EYS: variants seen among roughly 807,000 people sequenced by gnomAD.
EYS encodes protein eyes shut homolog.
A neutral mutation model predicts 282.1 loss-of-function variants in EYS; 250 were observed. That is an observed-to-expected ratio of 0.89 (90% CI 0.80 to 0.98). EYS has a LOEUF of 0.98. Among genes scored for constraint, EYS ranks in the 50% least tolerant of loss-of-function variants. The pLI is 0.00. For synonymous variants in EYS, 1,355 were observed against 1,282.9 expected (o/e 1.06, Z -1.20); for missense variants, 4,016 against 3,709.0 (o/e 1.08, Z -2.15).
intron 2 of EYS, among the ~76,000 whole-genome samples, chr6:65,617,168 C>T (rs1766232495): frequency 6.6e-6 from 1 of 151,968 alleles, no homozygotes; most frequent in African/African-American, 2.4e-5. Context: ...GTGTTAGAAA[C>T]CTATGTATAA....
intron 5 of EYS, among the ~76,000 whole-genome samples, chr6:65,441,959 A>G (rs1216342378): frequency 6.6e-6 from 1 of 152,086 alleles, no homozygotes; most frequent in Non-Finnish European, 1.5e-5. Context: ...TCATTTCTTC[A>G]TAGAGGCCTT....
intron 31 of EYS, among the ~76,000 whole-genome samples, chr6:64,171,572 T>C (rs531162879): frequency 1.3e-5 from 2 of 152,200 alleles, no homozygotes; most frequent in Admixed American, 6.5e-5. Flanking sequence ...ATAGCAAGAT[T>C]TTGAAGCAAA....
Position 65,443,306 on chromosome 6 carries a change from G to A in EYS, c.863-37939C>T, listed in dbSNP as rs560810475. ...TGCATGCATATATGCATACATGTGTGTACACATATAGACATATATGCATAC... is the reference window on the plus strand; with the variant it reads ...TGCATGCATATATGCATACATGTGTATACACATATAGACATATATGCATAC... On this transcript the variant is annotated intron_variant, in intron 5 of 42. Transcript: ENST00000503581. Among the ~76,000 whole-genome samples the A allele has an allele frequency of 1.8e-5, 2 of 108,468 alleles. 1 individual carries two copies. Among genetic ancestry groups the A allele is most frequent in the South Asian group, 6.2e-4 (2 of 3,208 alleles). The allele number at this position is 108,468 out of a possible 152,430, so 71.2% of individuals were successfully genotyped here.
In EYS at chr6:64,795,211, G is replaced by A. The variant is rs190632614; in HGVS notation, c.3443+18167C>T. On this transcript the variant is annotated intron_variant, in intron 22 of 42. Coordinates refer to ENST00000503581, the MANE Select transcript of EYS (RefSeq NM_001142800.2). ...GATCACATCATTGCACTCCAGCATG[G>A]GTAACAAGAGCAAAACTCCGTCTCA... Among the ~76,000 whole-genome samples the A allele has an allele frequency of 5.5e-3, 822 of 149,416 alleles. 10 individuals are homozygous for A. The highest frequency in any genetic ancestry group is 0.019 in the African/African-American group (784 of 40,896).
chr6:64,397,266 T>C (rs1211627087), intron 28 of EYS, among the ~76,000 whole-genome samples: 8 of 152,076 alleles, frequency 5.3e-5, no homozygotes, highest in South Asian at 4.1e-4. Flanking sequence ...ATACAGTTAA[T>C]AAGGGATAGA....
chr6:65,403,470 T>A (rs150832906), intron 6 of EYS, among the ~76,000 whole-genome samples: 135 of 152,092 alleles, frequency 8.9e-4, no homozygotes, highest in Non-Finnish European at 1.5e-3. Flanking sequence ...TTTATTAAGA[T>A]TCCAAGGTAA....
chr6:64,150,956 G>C (rs529390901), intron 31 of EYS, among the ~76,000 whole-genome samples: 1 of 151,986 alleles, frequency 6.6e-6, no homozygotes, highest in Non-Finnish European at 1.5e-5. Context: ...ACCAATTGGC[G>C]CAATATATCT....
At chr6:64,182,627 G>C (rs1299880884) in intron 31 of EYS, among the ~76,000 whole-genome samples, 1 of 152,134 alleles carries the variant, frequency 6.6e-6, no homozygotes, top group East Asian at 1.9e-4. Flanking sequence ...TACCATCAGT[G>C]ATCGTGTCCT....
intron 31 of EYS, among the ~76,000 whole-genome samples, chr6:64,112,888 A>C (rs914139650): frequency 6.6e-6 from 1 of 151,642 alleles, no homozygotes; most frequent in African/African-American, 2.4e-5. Flanking sequence ...ATGAGGTCCC[A>C]GGGGGAGTTG....
intron 29 of EYS, among the ~76,000 whole-genome samples, chr6:64,381,429 A>G (rs7752407): frequency 0.69 from 104,396 of 152,080 alleles, 35,868 homozygotes; most frequent in South Asian, 0.71. Context: ...AAGTTCTCCT[A>G]TTTGGGAAAT....
At chr6:64,769,802 C>G (rs1257427337) in intron 22 of EYS, among the ~76,000 whole-genome samples, 1 of 151,744 alleles carries the variant, frequency 6.6e-6, no homozygotes, top group East Asian at 1.9e-4. Flanking sequence ...GCTAAAGGAC[C>G]AGCATTGGTG....
intron 2 of EYS, among the ~76,000 whole-genome samples, chr6:65,520,634 G>C (rs1302632930): frequency 1.3e-5 from 2 of 151,534 alleles, no homozygotes; most frequent in East Asian, 3.9e-4. Flanking sequence ...GTGTATATAT[G>C]TATATACATA....
At chr6:64,777,683 C>T (rs1381850478) in intron 22 of EYS, among the ~76,000 whole-genome samples, 2 of 152,006 alleles carry the variant, frequency 1.3e-5, no homozygotes, top group African/African-American at 4.8e-5. Flanking sequence ...AAAATGTTTG[C>T]AAATAGTCAT....
chr6:65,425,965 C>T (rs1767645261), intron 5 of EYS, among the ~76,000 whole-genome samples: 1 of 152,030 alleles, frequency 6.6e-6, no homozygotes, highest in Non-Finnish European at 1.5e-5. Flanking sequence ...CTTAATAAGT[C>T]AAACAGAAGA....
chr6:65,567,631 A>G (rs950356034), intron 2 of EYS, among the ~76,000 whole-genome samples: 1 of 152,076 alleles, frequency 6.6e-6, no homozygotes, highest in African/African-American at 2.4e-5. Flanking sequence ...TTTATTTTTC[A>G]TATTTGCTAT....
At chr6:64,965,849 T>C (rs1175943909) in intron 14 of EYS, among the ~76,000 whole-genome samples, 1 of 152,182 alleles carries the variant, frequency 6.6e-6, no homozygotes, top group African/African-American at 2.4e-5. Flanking sequence ...ACATAGATTG[T>C]GAATCAGTTT....
rs190424081 is a variant in EYS, at chr6:64,962,015, C to A, written c.2260-16101G>T. Among the ~76,000 whole-genome samples, 187 of 152,246 alleles carry A rather than the reference C, an allele frequency of 1.2e-3. 3 individuals carry two copies. The highest frequency in any genetic ancestry group is 2.5e-4 in the Non-Finnish European group (17 of 68,004). ...CTAGTGAAGTCACCAAAAACATAAT[C>A]ATAACTTCCTCACGTTTCCCCTAAG... is the stretch of plus-strand genomic sequence containing the variant. On this transcript the variant is annotated intron_variant, in intron 14 of 42. Coordinates refer to ENST00000503581, the MANE Select transcript of EYS (RefSeq NM_001142800.2).
chr6:64,372,130 G>GTTTTTTTTTTTTTTT lies in EYS; in HGVS notation c.6078+16545_6078+16559dup, dbSNP rs201498090. On this transcript the variant is annotated intron_variant, in intron 29 of 42. Coordinates refer to ENST00000503581, the MANE Select transcript of EYS (RefSeq NM_001142800.2). ...TAGCATCACTGGTCTGTATACTTGT[G>GTTTTTTTTTTTTTTT]TTTTTTTTTTTTTTTTTTTTTTTTT... Among the ~76,000 whole-genome samples, 124 of 97,704 alleles carry GTTTTTTTTTTTTTTT rather than the reference G, an allele frequency of 1.3e-3. 10 individuals carry two copies. The highest frequency in any genetic ancestry group is 3.9e-3 in the African/African-American group (82 of 21,230). The allele number at this position is 97,704 out of a possible 152,430, so 64.1% of individuals were successfully genotyped here.
intron 9 of EYS, among the ~76,000 whole-genome samples, chr6:65,348,922 T>C (rs983086538): frequency 6.6e-6 from 1 of 151,690 alleles, no homozygotes; most frequent in African/African-American, 2.4e-5. Context: ...AGTTTCATTC[T>C]TCCCCCATCC....
Sources: allele counts gnomAD v4.1 joint callset (sites outside exome capture counted in the v4.1 genomes callset), GRCh38; gene constraint gnomAD v4.1.1; transcripts MANE v1.5; gene names NCBI Gene and HGNC (gene_info 2026-07-23, HGNC 2026-07-21).